SPHKAP: variants seen among roughly 807,000 people sequenced by gnomAD.
The protein encoded by SPHKAP is A-kinase anchor protein SPHKAP.
A neutral mutation model predicts 137.5 loss-of-function variants in SPHKAP; 67 were observed. The observed-to-expected ratio is 0.49, with a 90% CI of 0.40 to 0.60. The LOEUF (loss-of-function observed/expected upper bound fraction) is 0.60, where lower values mean the gene tolerates loss of function less well. Ranked by LOEUF, SPHKAP falls within the 20% of genes least tolerant of loss-of-function variation. The pLI is 0.00. For missense variants in SPHKAP, 2,097 were observed against 2,069.3 expected (o/e 1.01, Z -0.26); for synonymous variants, 813 against 785.3 (o/e 1.04, Z -0.59).
intron 7 of SPHKAP, among the ~76,000 whole-genome samples, chr2:228,004,274 C>T (rs931001701): frequency 1.3e-5 from 2 of 152,104 alleles, no homozygotes; most frequent in Admixed American, 6.6e-5. Context: ...TCAACTTCTT[C>T]CTGGTTTAGT....
chr2:228,019,276 C>G lies in SPHKAP; in HGVS notation c.1578G>C (p.Ser526=). ...CACCACTGCTCCCTGGGGGAAAGTT[C>G]GAGACCACTTGCTCCATTTTGAGTC... is the stretch of plus-strand genomic sequence containing the variant. ...TERLKMEQVV[S]NFPPGSSGAL... The change falls in exon 7 of 12, where the codon TCG becomes TCC. Residue 526 remains serine, a synonymous_variant. Transcript: ENST00000392056. 2 of 1,613,946 alleles carry G rather than the reference C, an allele frequency of 1.2e-6. No individual in the cohort carries two copies. The highest frequency in any genetic ancestry group is 2.2e-5 in the South Asian group (2 of 91,068).
At chr2:228,180,166 T>C (rs1319074810) in intron 1 of SPHKAP, among the ~76,000 whole-genome samples, 2 of 152,100 alleles carry the variant, frequency 1.3e-5, no homozygotes, top group African/African-American at 4.8e-5. Flanking sequence ...AGGGTGGGGA[T>C]TGAGACTTCA....
chr2:228,116,118 C>T (rs1012485601), intron 2 of SPHKAP, among the ~76,000 whole-genome samples: 1 of 152,122 alleles, frequency 6.6e-6, no homozygotes, highest in Admixed American at 6.6e-5. Context: ...GCAGATTACA[C>T]AGTTTAACGT....
chr2:228,017,224 G>C lies in SPHKAP; in HGVS notation c.3630C>G (p.Ala1210=). The change falls in exon 7 of 12, where the codon GCC becomes GCG. Residue 1210 remains alanine, a synonymous_variant. Coordinates refer to ENST00000392056, the MANE Select transcript of SPHKAP (RefSeq NM_001142644.2). Reference sequence around the variant, plus strand: ...AATCCTGGCTGCTCCGTCTGGAGGAGGCACTTTCTCTGCTGTCTCTTTCGA... The same window carrying C: ...AATCCTGGCTGCTCCGTCTGGAGGACGCACTTTCTCTGCTGTCTCTTTCGA... ...RDIERDSRES[A]SSRRSSQDWT... is the part of the protein sequence containing the mutation. 3 of 1,614,012 alleles carry C rather than the reference G, an allele frequency of 1.9e-6. No homozygotes were observed. Among genetic ancestry groups the C allele is most frequent in the Non-Finnish European group, 2.5e-6 (3 of 1,180,026 alleles).
intron 11 of SPHKAP, among the ~76,000 whole-genome samples, chr2:227,987,143 T>C (rs1693241712): frequency 6.6e-6 from 1 of 152,172 alleles, no homozygotes; most frequent in Admixed American, 6.5e-5. Context: ...TTGTGGGAAA[T>C]TGTTAAAAAT....
At chr2:228,079,864 AG>A (rs1424397791) in intron 3 of SPHKAP, among the ~76,000 whole-genome samples, 3 of 152,226 alleles carry the variant, frequency 2.0e-5, no homozygotes, top group Non-Finnish European at 1.5e-5. Context: ...ATTCAGGCAC[AG>A]GCCAGCCAGC....
chr2:228,151,439 G>T (rs1699927015), intron 1 of SPHKAP, among the ~76,000 whole-genome samples: 1 of 152,146 alleles, frequency 6.6e-6, no homozygotes, highest in African/African-American at 2.4e-5. Flanking sequence ...AGTCCTTTGG[G>T]TATATACCAG....
At chr2:228,158,597 G>T (rs766699053) in intron 1 of SPHKAP, among the ~76,000 whole-genome samples, 2 of 151,946 alleles carry the variant, frequency 1.3e-5, no homozygotes, top group Non-Finnish European at 2.9e-5. Context: ...AATAGAATTG[G>T]GAATGAAAAA....
intron 5 of SPHKAP, 74 bp downstream of exon 5, chr2:228,025,316 CTGTT>C: frequency 7.1e-7 from 1 of 1,403,088 alleles, no homozygotes; most frequent in Non-Finnish European, 9.6e-7. Context: ...TGTGTAGCAT[CTGTT>C]TGGGGTTTAC....
intron 3 of SPHKAP, among the ~76,000 whole-genome samples, chr2:228,089,968 A>C (rs962307578): frequency 1.3e-5 from 2 of 152,206 alleles, no homozygotes; most frequent in Non-Finnish European, 2.9e-5. Context: ...GAAGTGCTGA[A>C]GGGAAATGTG....
At chr2:228,026,934 A>G (rs1695063333) in intron 4 of SPHKAP, among the ~76,000 whole-genome samples, 1 of 152,234 alleles carries the variant, frequency 6.6e-6, no homozygotes, top group Non-Finnish European at 1.5e-5. Context: ...TTTAGCATGG[A>G]ATGGCAACCT....
intron 1 of SPHKAP, among the ~76,000 whole-genome samples, chr2:228,173,901 G>A (rs879095487): frequency 1.3e-5 from 2 of 152,176 alleles, no homozygotes; most frequent in Admixed American, 6.5e-5. Context: ...ATTTGGCTCT[G>A]TAATATGTAG....
chr2:228,098,943 A>T (rs1449400388), intron 3 of SPHKAP, among the ~76,000 whole-genome samples: 1 of 151,538 alleles, frequency 6.6e-6, no homozygotes, highest in Non-Finnish European at 1.5e-5. Context: ...TCTTTGTTGG[A>T]TGTATTGTTT....
In SPHKAP at chr2:227,995,626, G is replaced by A. The variant is rs769617684; in HGVS notation, c.4517C>T (p.Ala1506Val). Reference sequence around the variant, plus strand: ...CTCGCTGCTGCTTGGAGGGTTGGGGGCCTCATCGGGGGCTCTGGCTTCTGT... The same window carrying A: ...CTCGCTGCTGCTTGGAGGGTTGGGGACCTCATCGGGGGCTCTGGCTTCTGT... ...ASTEARAPDE[A>V]PNPPSSSEES... is the part of the protein sequence containing the mutation. Residue 1506 changes from alanine (A) to valine (V), a missense_variant, in exon 8 of 12, where the codon GCC (alanine) becomes GTC (valine). Physicochemically the swap from Ala to Val is moderately conservative, Grantham distance 64. Coordinates refer to ENST00000392056, the MANE Select transcript of SPHKAP (RefSeq NM_001142644.2). 2 of 1,613,654 alleles carry A rather than the reference G, an allele frequency of 1.2e-6. No individual in the cohort carries two copies. Among genetic ancestry groups the A allele is most frequent in the Admixed American group, 1.7e-5 (1 of 59,944 alleles).
At chr2:228,052,623 G>A (rs569535443) in intron 3 of SPHKAP, among the ~76,000 whole-genome samples, 1 of 152,266 alleles carries the variant, frequency 6.6e-6, no homozygotes, top group Admixed American at 6.5e-5. Flanking sequence ...GTTAGAATGA[G>A]ACTCTTTTCA....
chr2:227,990,406 A>G (rs1693371364), intron 11 of SPHKAP, among the ~76,000 whole-genome samples: 1 of 152,200 alleles, frequency 6.6e-6, no homozygotes, highest in Admixed American at 6.5e-5. Context: ...AGACAGATTC[A>G]TGCCTTACTC....
intron 3 of SPHKAP, among the ~76,000 whole-genome samples, chr2:228,051,340 A>G (rs184767747): frequency 1.2e-4 from 18 of 152,248 alleles, no homozygotes; most frequent in Admixed American, 9.2e-4. Flanking sequence ...CATAGGAAAA[A>G]ATCTACTTTT....
intron 1 of SPHKAP, among the ~76,000 whole-genome samples, chr2:228,160,822 A>G (rs1207647864): frequency 1.3e-5 from 2 of 152,218 alleles, no homozygotes; most frequent in African/African-American, 2.4e-5. Flanking sequence ...CCCTGTCCTT[A>G]TACTGACTTT....
At chr2:228,097,278 T>C (rs542195727) in intron 3 of SPHKAP, among the ~76,000 whole-genome samples, 21 of 152,276 alleles carry the variant, frequency 1.4e-4, no homozygotes, top group African/African-American at 5.1e-4. Context: ...CAAAATGAAT[T>C]AAAAAATAGT....
Sources: allele counts gnomAD v4.1 joint callset (sites outside exome capture counted in the v4.1 genomes callset), GRCh38; gene constraint gnomAD v4.1.1; transcripts MANE v1.5; gene names NCBI Gene and HGNC (gene_info 2026-07-23, HGNC 2026-07-21).